Variants in TACC2 observed in about 807,000 individuals in gnomAD.
TACC2 encodes transforming acidic coiled-coil containing protein 2.
In TACC2, 137 loss-of-function variants were observed where a neutral mutation model predicts 227.3. The ratio of observed to expected loss-of-function variants is 0.60; its 90% CI spans 0.52 to 0.69. TACC2 has a LOEUF of 0.69. TACC2 is among the 30% of genes least tolerant of loss of function. The pLI is 0.00. For synonymous variants in TACC2, 1,523 were observed against 1,487.5 expected (o/e 1.02, Z -0.55); for missense variants, 3,470 against 3,694.4 (o/e 0.94, Z 1.57).
intron 3 of TACC2, among the ~76,000 whole-genome samples, chr10:122,073,127 AT>A (rs372977373): frequency 0.14 from 6,850 of 50,240 alleles, 659 homozygotes; most frequent in Non-Finnish European, 0.16. Flanking sequence ...AAAAAAAAAA[AT>A]ATATATATAT....
chr10:122,017,818 CA>C (rs5788525), intron 1 of TACC2, among the ~76,000 whole-genome samples: 6,198 of 74,798 alleles, frequency 0.083, 91 homozygotes, highest in African/African-American at 0.12. Flanking sequence ...GAAACTGTCT[CA>C]AAAAAAAAAA....
chr10:122,035,787 C>A (rs1284522607), intron 2 of TACC2, among the ~76,000 whole-genome samples: 1 of 152,022 alleles, frequency 6.6e-6, no homozygotes, highest in Non-Finnish European at 1.5e-5. Context: ...ATAACCTTTT[C>A]TTTCCTTCTC....
chr10:122,040,966 G>T (rs955535709), intron 2 of TACC2, among the ~76,000 whole-genome samples: 4 of 152,122 alleles, frequency 2.6e-5, no homozygotes, highest in Non-Finnish European at 5.9e-5. Flanking sequence ...AGGTCCCCCC[G>T]GGTCGGGTCC....
At chr10:122,185,910 G>T (rs1426219253) in intron 7 of TACC2, among the ~76,000 whole-genome samples, 1 of 152,122 alleles carries the variant, frequency 6.6e-6, no homozygotes, top group African/African-American at 2.4e-5. Context: ...TTTCTTATTA[G>T]TATTCATAAG....
chr10:122,108,974 C>T (rs2083274070), intron 5 of TACC2, among the ~76,000 whole-genome samples: 1 of 152,076 alleles, frequency 6.6e-6, no homozygotes, highest in Non-Finnish European at 1.5e-5. Context: ...ACCTCGTGAT[C>T]CGCCCACCTC....
In TACC2 at chr10:122,211,472, T is replaced by G. The variant is rs377341447; in HGVS notation, c.7047T>G (p.Pro2349=). The G allele has an allele frequency of 1.2e-6, 2 of 1,613,814 alleles. No individual in the cohort carries two copies. Among genetic ancestry groups the G allele is most frequent in the African/African-American group, 2.7e-5 (2 of 74,844 alleles). ...IDKWDDPNFN[P]FSSTSKMQES... ...AGTGGGATGACCCCAATTTTAACCCTTTTTCTTCCACCTCAAAAATGCAGG... is the reference window on the plus strand; with the variant it reads ...AGTGGGATGACCCCAATTTTAACCCGTTTTCTTCCACCTCAAAAATGCAGG... The change falls in exon 9 of 23, where the codon CCT becomes CCG. Residue 2349 remains proline, a synonymous_variant. Transcript: ENST00000369005.
chr10:122,116,554 C>T (rs1317878088), intron 5 of TACC2, among the ~76,000 whole-genome samples: 1 of 152,138 alleles, frequency 6.6e-6, no homozygotes, highest in African/African-American at 2.4e-5. Flanking sequence ...ATGGTGGGGC[C>T]GCTTATCCCT....
Position 122,084,097 on chromosome 10 carries a change from C to A in TACC2, c.1597C>A (p.Pro533Thr). 6.2e-7 allele frequency: 1 copy of A among 1,614,050 alleles called. No homozygotes were observed. Among genetic ancestry groups the A allele is most frequent in the East Asian group, 2.2e-5 (1 of 44,860 alleles). Residue 533 changes from proline (P) to threonine (T), a missense_variant, in exon 4 of 23, where the codon CCT becomes ACT. Pro to Thr is a conservative substitution (Grantham distance 38, BLOSUM62 -1). Transcript: ENST00000369005. ...SHEVQPGAPPPPLPKAPSESA... is the reference protein window; with the variant it reads ...SHEVQPGAPPTPLPKAPSESA... Reference sequence around the variant, plus strand: ...TGAGGTCCAACCAGGAGCACCACCCCCTCCTCTTCCCAAGGCACCAAGTGA... The same window carrying A: ...TGAGGTCCAACCAGGAGCACCACCCACTCCTCTTCCCAAGGCACCAAGTGA...
At chr10:122,090,698 G>A (rs949262324) in intron 5 of TACC2, among the ~76,000 whole-genome samples, 6 of 151,568 alleles carry the variant, frequency 4.0e-5, no homozygotes, top group Non-Finnish European at 8.8e-5. Context: ...AGTGTTTTTA[G>A]TGCTGTCAAA....
intron 5 of TACC2, among the ~76,000 whole-genome samples, chr10:122,090,362 C>T (rs924909946): frequency 3.9e-4 from 59 of 151,528 alleles, no homozygotes; most frequent in African/African-American, 1.2e-3. Flanking sequence ...CTGGCTAACA[C>T]GGTGAAACCC....
intron 16 of TACC2, among the ~76,000 whole-genome samples, chr10:122,237,120 C>T (rs2095871640): frequency 6.6e-6 from 1 of 152,178 alleles, no homozygotes; most frequent in African/African-American, 2.4e-5. Flanking sequence ...CAGAGATAAG[C>T]AGGTACCAGA....
chr10:122,110,011 G>A (rs2083397438), intron 5 of TACC2, among the ~76,000 whole-genome samples: 1 of 152,112 alleles, frequency 6.6e-6, no homozygotes, highest in African/African-American at 2.4e-5. Context: ...TATGACAAAA[G>A]TCAAACAGCT....
chr10:122,132,074 G>GAAAGA (rs1411249395), intron 5 of TACC2, among the ~76,000 whole-genome samples: 1 of 94,814 alleles, frequency 1.1e-5, no homozygotes, highest in South Asian at 3.5e-4. Context: ...GAAAAAGAAA[G>GAAAGA]AAAGAAAGAG....
intron 5 of TACC2, among the ~76,000 whole-genome samples, chr10:122,129,847 T>C (rs1243591038): frequency 6.6e-6 from 1 of 152,152 alleles, no homozygotes; most frequent in Admixed American, 6.5e-5. Context: ...GGTGGGAACA[T>C]GGAGAATGGA....
Position 122,248,725 on chromosome 10 carries a change from G to A in TACC2, c.8475G>A (p.Leu2825=). 6.2e-7 allele frequency: 1 copy of A among 1,614,162 alleles called. No individual in the cohort carries two copies. Among genetic ancestry groups the A allele is most frequent in the Non-Finnish European group, 8.5e-7 (1 of 1,180,038 alleles). ...VLEKEQALAD[L]NSVEKSLADL... Reference sequence around the variant, plus strand: ...AGAAGGAGCAAGCCCTGGCCGACCTGAACTCCGTGGAGAAGTCTCTGGCCG... The same window carrying A: ...AGAAGGAGCAAGCCCTGGCCGACCTAAACTCCGTGGAGAAGTCTCTGGCCG... The change falls in exon 20 of 23, where the codon CTG becomes CTA. Residue 2825 remains leucine (L), a synonymous_variant. Transcript: ENST00000369005.
chr10:122,131,796 C>A (rs1449807200), intron 5 of TACC2, among the ~76,000 whole-genome samples: 1 of 151,706 alleles, frequency 6.6e-6, no homozygotes, highest in East Asian at 1.9e-4. Flanking sequence ...CCAAGGCGGG[C>A]AGACCACTTG....
intron 1 of TACC2, among the ~76,000 whole-genome samples, chr10:121,991,486 A>T (rs1953024729): frequency 6.6e-6 from 1 of 152,268 alleles, no homozygotes; most frequent in South Asian, 2.1e-4. Flanking sequence ...TTTATGAGCA[A>T]GTTTTGAAAT....
chr10:122,164,418 G>C (rs1413127204), intron 7 of TACC2, among the ~76,000 whole-genome samples: 1 of 152,240 alleles, frequency 6.6e-6, no homozygotes, highest in Admixed American at 6.5e-5. Context: ...TGGCTGGGCA[G>C]ATGGCGTGGT....
At chr10:122,214,076 G>T (rs534854837) in intron 9 of TACC2, among the ~76,000 whole-genome samples, 1 of 152,212 alleles carries the variant, frequency 6.6e-6, no homozygotes, top group East Asian at 1.9e-4. Flanking sequence ...TGGCCAGGAG[G>T]GATCTGTGGG....
Sources: gnomAD v4.1 joint callset for allele counts (sites outside exome capture counted in the v4.1 genomes callset) on GRCh38, gnomAD v4.1.1 for gene constraint, MANE v1.5 for transcripts, NCBI Gene and HGNC (gene_info 2026-07-23, HGNC 2026-07-21) for gene names.